The following ANXA8 variants were observed in gnomAD, a reference collection of about 807,000 sequenced individuals.
ANXA8 encodes the protein annexin A8, also known as VAC-beta.
In ANXA8, 9 loss-of-function variants were observed where a neutral mutation model predicts 26.8. The ratio of observed to expected loss-of-function variants is 0.34; its 90% CI spans 0.20 to 0.59. The LOEUF is 0.59. Ranked by LOEUF, ANXA8 falls within the 20% of genes least tolerant of loss-of-function variation. The probability of loss-of-function intolerance (pLI) is 0.84; values close to 1 mark genes in which losing one functional copy is unlikely to be tolerated. For missense variants in ANXA8, 83 were observed against 238.5 expected (o/e 0.35, Z 4.29); for synonymous variants, 39 against 94.8 (o/e 0.41, Z 3.42).
chr10:47,670,373 T>C, the ANXA8 span, among the ~76,000 whole-genome samples: 1 of 152,146 alleles, frequency 6.6e-6, no homozygotes, highest in East Asian at 1.9e-4. Context: ...TTTAGGTATA[T>C]AGCTCGGTGT....
chr10:47,636,633 T>G, the ANXA8 span, among the ~76,000 whole-genome samples: 5 of 148,154 alleles, frequency 3.4e-5, no homozygotes, highest in Non-Finnish European at 1.5e-5. Context: ...TCCAAAAATT[T>G]TCTTGTGTTC....
At chr10:47,970,324 T>G in the ANXA8 span, 1 of 151,288 alleles carries the variant, frequency 6.6e-6, no homozygotes, top group Non-Finnish European at 1.5e-5. Flanking sequence ...GACTCCAGAA[T>G]CAGGGCTGAC....
chr10:47,617,438 T>C, the ANXA8 span, among the ~76,000 whole-genome samples: 4 of 142,954 alleles, frequency 2.8e-5, no homozygotes, highest in Admixed American at 2.8e-4. Flanking sequence ...GATTTTCATA[T>C]GGCTACACTG....
the ANXA8 span, among the ~76,000 whole-genome samples, chr10:47,686,034 G>A: frequency 6.7e-6 from 1 of 150,318 alleles, no homozygotes; most frequent in Non-Finnish European, 1.5e-5. Context: ...GGAATGACTC[G>A]GGGACTTTAT....
the ANXA8 span, among the ~76,000 whole-genome samples, chr10:47,611,730 A>G: frequency 1.4e-5 from 1 of 73,862 alleles, no homozygotes; most frequent in East Asian, 2.7e-4. Flanking sequence ...TTGCTTCTCA[A>G]ATTTATGGTG....
chr10:47,942,812 C>T, the ANXA8 span, among the ~76,000 whole-genome samples: 22 of 146,026 alleles, frequency 1.5e-4, 2 homozygotes, highest in Admixed American at 3.4e-4. Flanking sequence ...AGCCTACAGG[C>T]GGCAGGAGGC....
chr10:47,647,791 T>G, the ANXA8 span, among the ~76,000 whole-genome samples: 4 of 151,880 alleles, frequency 2.6e-5, no homozygotes, highest in African/African-American at 9.7e-5. Flanking sequence ...TCATTTCACA[T>G]AAAGTATGAA....
chr10:47,971,209 C>G, the ANXA8 span, among the ~76,000 whole-genome samples: 8 of 150,810 alleles, frequency 5.3e-5, no homozygotes. Flanking sequence ...AGTGAGGTGT[C>G]CTGTGCACAC....
At chr10:47,671,713 T>A in the ANXA8 span, among the ~76,000 whole-genome samples, 1 of 151,890 alleles carries the variant, frequency 6.6e-6, no homozygotes, top group African/African-American at 2.4e-5. Context: ...AGTTGGCAAA[T>A]GATGAAGCTG....
chr10:47,952,986 C>A, the ANXA8 span, among the ~76,000 whole-genome samples: 348 of 147,660 alleles, frequency 2.4e-3, no homozygotes, highest in Admixed American at 0.021. Context: ...GTATCACAGA[C>A]AAAAATAAAA....
chr10:47,625,588 T>C, the ANXA8 span, among the ~76,000 whole-genome samples: 1 of 151,558 alleles, frequency 6.6e-6, no homozygotes, highest in Non-Finnish European at 1.5e-5. Context: ...CGTTCTCACT[T>C]TGGCCAAATG....
the ANXA8 span, among the ~76,000 whole-genome samples, chr10:47,940,973 T>C: frequency 3.5e-5 from 5 of 142,038 alleles, no homozygotes; most frequent in East Asian, 1.2e-3. Flanking sequence ...AGGCAGACCA[T>C]GGTCCCCTGC....
chr10:47,743,378 A>ATGTG, the ANXA8 span, among the ~76,000 whole-genome samples: 702 of 59,702 alleles, frequency 0.012, 28 homozygotes, highest in Middle Eastern at 0.05. Context: ...ATACATATAT[A>ATGTG]TGTGTGTGTG....
At chr10:47,743,269 TATATATATACACACATATATATATAC>T in the ANXA8 span, among the ~76,000 whole-genome samples, 12 of 118,252 alleles carry the variant, frequency 1.0e-4, no homozygotes, top group African/African-American at 3.2e-4. Context: ...TATATACATA[TATATATATACACACATATATATATAC>T]ACATATATAT....
At chr10:47,976,543 TTACACACACAC>T in the ANXA8 span, among the ~76,000 whole-genome samples, 2 of 92,480 alleles carry the variant, frequency 2.2e-5, no homozygotes, top group Non-Finnish European at 4.4e-5. Flanking sequence ...ACCTCTGTCT[TTACACACACAC>T]ACACACACAC....
chr10:47,682,653 T>C, the ANXA8 span, among the ~76,000 whole-genome samples: 1 of 151,558 alleles, frequency 6.6e-6, no homozygotes, highest in African/African-American at 2.4e-5. Context: ...GTGTTTTTAG[T>C]AGAGACGGGG....
the ANXA8 span, among the ~76,000 whole-genome samples, chr10:47,693,351 G>A: frequency 2.7e-5 from 4 of 150,300 alleles, no homozygotes; most frequent in Admixed American, 6.6e-5. Flanking sequence ...GTGCAGTGGC[G>A]CGATGTCTGC....
chr10:47,506,322 T>C, the ANXA8 span, among the ~76,000 whole-genome samples: 1 of 137,160 alleles, frequency 7.3e-6, no homozygotes, highest in Admixed American at 7.5e-5. Flanking sequence ...GGTTAGGTCA[T>C]CTTATTGCTT....
At chr10:47,748,402 G>A in the ANXA8 span, among the ~76,000 whole-genome samples, 3 of 151,146 alleles carry the variant, frequency 2.0e-5, no homozygotes, top group South Asian at 2.1e-4. Flanking sequence ...TAGTGGAGAC[G>A]GGGTTTCACC....
Sources: gnomAD v4.1 joint callset for allele counts (sites outside exome capture counted in the v4.1 genomes callset) on GRCh38, gnomAD v4.1.1 for gene constraint, MANE v1.5 for transcripts, NCBI Gene and HGNC (gene_info 2026-07-23, HGNC 2026-07-21) for gene names.